The following KCNJ15 variants were observed in gnomAD, a reference collection of about 807,000 sequenced individuals.
The protein encoded by KCNJ15 is potassium inwardly rectifying channel subfamily J member 15.
Under a neutral mutation model 23.0 loss-of-function variants are expected in KCNJ15, and 14 were observed. The ratio of observed to expected loss-of-function variants is 0.61; its 90% confidence interval spans 0.40 to 0.95. The LOEUF (loss-of-function observed/expected upper bound fraction) is 0.95, where lower values mean the gene tolerates loss of function less well. Among genes scored for constraint, KCNJ15 ranks in the 40% least tolerant of loss-of-function variants. KCNJ15 has a pLI of 0.00. For missense variants in KCNJ15, 388 were observed against 461.8 expected, an observed-to-expected ratio of 0.84 and a Z score of 1.46; for synonymous variants, 185 against 183.2, an observed-to-expected ratio of 1.01 and a Z score of -0.08.
chr21:38,282,325 CTT>C (rs1218797910), intron 1 of KCNJ15, among the ~76,000 whole-genome samples: 1 of 152,106 alleles, frequency 6.6e-6, no homozygotes, highest in African/African-American at 2.4e-5. Context: ...TCTTAGAACT[CTT>C]TGTCTATGAT....
chr21:38,249,173 T>C (rs1236313964), intron 1 of KCNJ15, among the ~76,000 whole-genome samples: 8 of 152,302 alleles, frequency 5.3e-5, no homozygotes, highest in African/African-American at 1.9e-4. Flanking sequence ...GTGTCCACAC[T>C]GTAAAATGAG....
chr21:38,294,692 C>G (rs1203815368), intron 1 of KCNJ15, among the ~76,000 whole-genome samples: 1 of 152,110 alleles, frequency 6.6e-6, no homozygotes. Context: ...TGCTGTGTCC[C>G]CAACACTGGA....
chr21:38,283,706 T>C (rs1490180987), intron 1 of KCNJ15, among the ~76,000 whole-genome samples: 1 of 152,192 alleles, frequency 6.6e-6, no homozygotes, highest in Non-Finnish European at 1.5e-5. Flanking sequence ...TGAGTATACA[T>C]TGTCAAATTA....
chr21:38,277,177 C>T (rs909874608), intron 1 of KCNJ15, among the ~76,000 whole-genome samples: 1 of 152,030 alleles, frequency 6.6e-6, no homozygotes, highest in African/African-American at 2.4e-5. Flanking sequence ...GACTCGGCAT[C>T]TTTGATTTTT....
rs1985960858 is a variant in KCNJ15 at position 38,304,211 on chromosome 21, T to C, written c.*3822T>C. 6.6e-6 allele frequency: 1 copy of C among 151,212 alleles called. No homozygotes were observed. Among genetic ancestry groups the C allele is most frequent in the African/African-American group, 2.4e-5 (1 of 41,156 alleles). 9.4% of individuals were successfully genotyped at this position (151,212 alleles called of 1,614,324 possible). ...GTGTGCTGCACCCATTAACTCGTCA[T>C]TTAGCATTAGGTATATCTCCTAATG... On this transcript the variant is annotated 3_prime_UTR_variant, in exon 3 of 3. Transcript: ENST00000398938.
At chr21:38,259,628 C>T (rs780732692) in intron 1 of KCNJ15, among the ~76,000 whole-genome samples, 31 of 152,282 alleles carry the variant, frequency 2.0e-4, no homozygotes, top group Non-Finnish European at 3.4e-4. Flanking sequence ...TGGGCAAATA[C>T]AAGAGGCAAG....
intron 1 of KCNJ15, among the ~76,000 whole-genome samples, chr21:38,232,832 C>A (rs1308118396): frequency 1.3e-5 from 2 of 151,608 alleles, no homozygotes. Flanking sequence ...TTATTCAAAC[C>A]TTTTAAATTT....
At chr21:38,287,628 G>A (rs1010469321) in intron 1 of KCNJ15, among the ~76,000 whole-genome samples, 4 of 152,106 alleles carry the variant, frequency 2.6e-5, no homozygotes, top group Non-Finnish European at 4.4e-5. Flanking sequence ...ATTCAACTGG[G>A]CATCTTGTAT....
chr21:38,230,190 T>A (rs1988693811), intron 1 of KCNJ15, among the ~76,000 whole-genome samples: 1 of 152,200 alleles, frequency 6.6e-6, no homozygotes, highest in Non-Finnish European at 1.5e-5. Context: ...CCAACACATG[T>A]TATTATCTGT....
chr21:38,263,691 C>T (rs969680161), intron 1 of KCNJ15, among the ~76,000 whole-genome samples: 3 of 152,116 alleles, frequency 2.0e-5, no homozygotes, highest in East Asian at 1.9e-4. Flanking sequence ...GGCAAGGCAT[C>T]GTGCGATCCA....
chr21:38,271,101 C>T (rs1302854894), intron 1 of KCNJ15, among the ~76,000 whole-genome samples: 1 of 152,214 alleles, frequency 6.6e-6, no homozygotes, highest in Non-Finnish European at 1.5e-5. Context: ...AGGGACAAAA[C>T]CTGGTTGGGC....
chr21:38,244,411 G>A (rs1007215583), intron 1 of KCNJ15, among the ~76,000 whole-genome samples: 4 of 152,176 alleles, frequency 2.6e-5, no homozygotes, highest in African/African-American at 9.7e-5. Flanking sequence ...CAGGCTTGGT[G>A]CAGAAACCTG....
rs938729403 is a variant in KCNJ15, at chr21:38,297,033, G to A, written c.-19+10G>A. The A allele has an allele frequency of 2.0e-5, 3 of 152,512 alleles. No individual in the cohort carries two copies. The highest frequency in any genetic ancestry group is 2.9e-5 in the Non-Finnish European group (2 of 68,076). 9.4% of individuals were successfully genotyped at this position (152,512 alleles called of 1,614,324 possible). ...CGGAGTGAGTGACCAGGTAGTAGACGGTTCTGAGGGCATCACACACTTGAG... is the reference window on the plus strand; with the variant it reads ...CGGAGTGAGTGACCAGGTAGTAGACAGTTCTGAGGGCATCACACACTTGAG... On this transcript the variant is annotated intron_variant, in intron 2 of 2. Transcript: ENST00000398938.
chr21:38,252,306 G>C (rs1332924347), upstream of KCNJ15, among the ~76,000 whole-genome samples: 1 of 152,084 alleles, frequency 6.6e-6, no homozygotes, highest in Non-Finnish European at 1.5e-5. Flanking sequence ...CCCACCTCTG[G>C]AAGGCTACCT....
At chr21:38,241,765 GAGACCAGTCTGGGCAAC>G (rs771831715) in intron 1 of KCNJ15, among the ~76,000 whole-genome samples, 29 of 151,962 alleles carry the variant, frequency 1.9e-4, no homozygotes, top group Admixed American at 2.0e-4. Flanking sequence ...TCAGGAGTTT[GAGACCAGTCTGGGCAAC>G]ATGGTGAAAC....
intron 1 of KCNJ15, among the ~76,000 whole-genome samples, chr21:38,241,800 C>G (rs1979014535): frequency 6.6e-6 from 1 of 151,820 alleles, no homozygotes; most frequent in South Asian, 2.1e-4. Context: ...AACCCCGTCT[C>G]TACTAAAATA....
rs1397204749 is a variant in KCNJ15, at chr21:38,300,012, C to T, written c.751C>T (p.Pro251Ser). Residue 251 changes from proline to serine, a missense_variant, in exon 3 of 3, where the codon CCC becomes TCC. By Grantham distance (74) the Pro-to-Ser change is moderately conservative. Transcript: ENST00000398938. Reference sequence around the variant, plus strand: ...CTCTGAGAGCCCCTTCCTCATTCTGCCCATGACATTCTACCATGTGCTGGA... The same window carrying T: ...CTCTGAGAGCCCCTTCCTCATTCTGTCCATGACATTCTACCATGTGCTGGA... ...SSSESPFLIL[P>S]MTFYHVLDET... The T allele has an allele frequency of 3.1e-6, 5 of 1,613,914 alleles. No homozygotes were observed. Among genetic ancestry groups the T allele is most frequent in the Non-Finnish European group, 4.2e-6 (5 of 1,180,010 alleles).
intron 1 of KCNJ15, among the ~76,000 whole-genome samples, chr21:38,283,095 G>A (rs1983528239): frequency 6.6e-6 from 1 of 151,852 alleles, no homozygotes; most frequent in South Asian, 2.1e-4. Flanking sequence ...GAAGCCTTAA[G>A]ATGACTGAAA....
chr21:38,284,080 C>G (rs1026271783), intron 1 of KCNJ15, among the ~76,000 whole-genome samples: 1 of 152,244 alleles, frequency 6.6e-6, no homozygotes, highest in African/African-American at 2.4e-5. Flanking sequence ...AAGGCCAGGC[C>G]CATCTGCACA....
Sources: gnomAD v4.1 joint callset for allele counts (sites outside exome capture counted in the v4.1 genomes callset) on GRCh38, gnomAD v4.1.1 for gene constraint, MANE v1.5 for transcripts, NCBI Gene and HGNC (gene_info 2026-07-23, HGNC 2026-07-21) for gene names.